Variants in STXBP5 observed in about 807,000 individuals in gnomAD.
STXBP5 encodes syntaxin binding protein 5.
In STXBP5, 50 loss-of-function variants were observed where a neutral mutation model predicts 152.4. The ratio of observed to expected loss-of-function variants is 0.33; its 90% CI spans 0.26 to 0.42. The LOEUF is 0.42. Among genes scored for constraint, STXBP5 ranks in the 10% least tolerant of loss-of-function variants. The pLI, the probability that STXBP5 is intolerant of heterozygous loss-of-function variation, is 1.00. For missense variants in STXBP5, 1,167 were observed against 1,388.6 expected (o/e 0.84, Z 2.54); for synonymous variants, 492 against 494.7 (o/e 0.99, Z 0.07).
intron 25 of STXBP5, among the ~76,000 whole-genome samples, chr6:147,372,880 A>C (rs928558983): frequency 6.6e-6 from 1 of 152,190 alleles, no homozygotes; most frequent in African/African-American, 2.4e-5. Context: ...GATGATGTAC[A>C]AGGGAAGAGT....
intron 8 of STXBP5, among the ~76,000 whole-genome samples, chr6:147,285,257 A>G (rs1381541777): frequency 1.3e-5 from 2 of 152,176 alleles, no homozygotes; most frequent in Admixed American, 6.5e-5. Context: ...CTCTGGTGGC[A>G]TAGCATTTAA....
At chr6:147,287,807 C>G (rs1383562647) in intron 8 of STXBP5, among the ~76,000 whole-genome samples, 1 of 152,106 alleles carries the variant, frequency 6.6e-6, no homozygotes, top group African/African-American at 2.4e-5. Flanking sequence ...CAATTTCCAC[C>G]CCGAAATATT....
chr6:147,302,234 TTTAGA>T (rs772493437), intron 9 of STXBP5, among the ~76,000 whole-genome samples: 5,375 of 152,162 alleles, frequency 0.035, 147 homozygotes, highest in Admixed American at 0.054. Context: ...TTCCGAACCC[TTTAGA>T]GTCAAAACTC....
intron 2 of STXBP5, among the ~76,000 whole-genome samples, chr6:147,216,474 A>G (rs557655759): frequency 6.6e-6 from 1 of 152,324 alleles, no homozygotes; most frequent in South Asian, 2.1e-4. Context: ...AGAATCAGAT[A>G]TATTACATGC....
chr6:147,373,203 A>G (rs1415649593), intron 25 of STXBP5, among the ~76,000 whole-genome samples: 2 of 151,878 alleles, frequency 1.3e-5, no homozygotes, highest in Admixed American at 1.3e-4. Flanking sequence ...ACCTGTCTCT[A>G]CAAAATACAA....
At chr6:147,226,250 C>T (rs895011109) in intron 2 of STXBP5, among the ~76,000 whole-genome samples, 4 of 151,580 alleles carry the variant, frequency 2.6e-5, no homozygotes, top group Non-Finnish European at 5.9e-5. Context: ...CTGCAGTGAG[C>T]CATGATTGTG....
intron 21 of STXBP5, among the ~76,000 whole-genome samples, chr6:147,344,472 C>T (rs1310718687): frequency 6.6e-6 from 1 of 152,204 alleles, no homozygotes; most frequent in Non-Finnish European, 1.5e-5. Context: ...ATACCACAGA[C>T]TGGGAGGCTT....
intron 16 of STXBP5, among the ~76,000 whole-genome samples, chr6:147,318,304 A>G (rs1486109428): frequency 1.3e-5 from 2 of 152,176 alleles, no homozygotes; most frequent in African/African-American, 4.8e-5. Context: ...GGCCAGCCTG[A>G]TAGGTGAGTC....
At chr6:147,290,344 G>A (rs910523044) in intron 8 of STXBP5, among the ~76,000 whole-genome samples, 1 of 152,134 alleles carries the variant, frequency 6.6e-6, no homozygotes, top group African/African-American at 2.4e-5. Flanking sequence ...TGTGAAAGAG[G>A]GTAAGAGGTG....
chr6:147,324,645 C>CG (rs1367483976), intron 16 of STXBP5, among the ~76,000 whole-genome samples: 1 of 151,798 alleles, frequency 6.6e-6, no homozygotes, highest in Non-Finnish European at 1.5e-5. Flanking sequence ...CTTGGACTGC[C>CG]GCTTCTCCTC....
chr6:147,249,860 G>T (rs188260979), intron 4 of STXBP5, among the ~76,000 whole-genome samples: 8 of 152,156 alleles, frequency 5.3e-5, no homozygotes, highest in Admixed American at 2.0e-4. Flanking sequence ...GTACCCCACA[G>T]ATCTTTTCAA....
At chr6:147,205,844 A>G (rs1214064070) in intron 1 of STXBP5, 127 bp from the exon 2 acceptor site, 4 of 573,326 alleles carry the variant, frequency 7.0e-6, no homozygotes, top group Admixed American at 3.2e-5. Context: ...TTTCAAAAGC[A>G]GTAAGTGCAT....
intron 9 of STXBP5, among the ~76,000 whole-genome samples, chr6:147,307,808 T>C (rs1782168515): frequency 6.6e-6 from 1 of 152,196 alleles, no homozygotes; most frequent in Admixed American, 6.5e-5. Flanking sequence ...AATATAAGTT[T>C]AGAAAATAAG....
chr6:147,281,223 A>AT (rs1780684895), intron 8 of STXBP5, among the ~76,000 whole-genome samples: 1 of 151,782 alleles, frequency 6.6e-6, no homozygotes, highest in African/African-American at 2.4e-5. Flanking sequence ...TGCCCGGCTA[A>AT]TTTTTTGTAT....
rs1786425072 is a variant in STXBP5 at position 147,388,076 on chromosome 6, T to C, written c.*3321T>C. ...TGTGGCAAAGATTTATTTTACACTTTAACTTTTGGGATTTTATTTGTTTCA... is the reference window on the plus strand; with the variant it reads ...TGTGGCAAAGATTTATTTTACACTTCAACTTTTGGGATTTTATTTGTTTCA... On this transcript the variant is annotated 3_prime_UTR_variant, in exon 28 of 28. Coordinates refer to ENST00000321680, the MANE Select transcript of STXBP5 (RefSeq NM_001127715.4). 6.6e-6 allele frequency: 1 copy of C among 151,886 alleles called. No individual in the cohort carries two copies. Among genetic ancestry groups the C allele is most frequent in the Admixed American group, 6.6e-5 (1 of 15,216 alleles). The allele number at this position is 151,886 out of a possible 1,614,324, so 9.4% of individuals were successfully genotyped here.
chr6:147,300,375 G>C (rs979361908), intron 9 of STXBP5, among the ~76,000 whole-genome samples: 1 of 151,856 alleles, frequency 6.6e-6, no homozygotes, highest in Non-Finnish European at 1.5e-5. Flanking sequence ...CACAAAACAC[G>C]GTGCTGAAGA....
In STXBP5 at chr6:147,327,190, A is replaced by C. The variant is rs753960350; in HGVS notation, c.1994A>C (p.Asn665Thr). The change falls in exon 18 of 28, where the codon AAC (asparagine) becomes ACC (threonine). Residue 665 changes from asparagine to threonine, a missense_variant. This residue lies in a region of STXBP5 where 833 missense variants were observed against 986.3 expected (regional missense o/e 0.84). Coordinates refer to ENST00000321680, the MANE Select transcript of STXBP5 (RefSeq NM_001127715.4). ...VDYLQKAVLLNLGTIELYGSN... is the reference protein window; with the variant it reads ...VDYLQKAVLLTLGTIELYGSN... ...TACCTCCAGAAAGCAGTGCTGCTCA[A>C]CCTGGGCACTATTGAATTATATGGC... 1 of 1,614,136 alleles carries C rather than the reference A, an allele frequency of 6.2e-7. No homozygotes were observed. The highest frequency in any genetic ancestry group is 8.5e-7 in the Non-Finnish European group (1 of 1,180,018).
At chr6:147,297,495 C>A (rs1199240344) in intron 9 of STXBP5, among the ~76,000 whole-genome samples, 1 of 152,186 alleles carries the variant, frequency 6.6e-6, no homozygotes, top group Admixed American at 6.5e-5. Flanking sequence ...TAATTACTGT[C>A]ATGAAAACAT....
At chr6:147,227,954 T>C (rs1777806444) in intron 2 of STXBP5, among the ~76,000 whole-genome samples, 1 of 152,194 alleles carries the variant, frequency 6.6e-6, no homozygotes, top group Non-Finnish European at 1.5e-5. Flanking sequence ...TGCCTCAGGC[T>C]TCTCAAGGAT....
Sources: gnomAD v4.1 joint callset for allele counts (sites outside exome capture counted in the v4.1 genomes callset) on GRCh38, gnomAD v4.1.1 for gene constraint, gnomAD v4.1.1 regional missense constraint, MANE v1.5 for transcripts, NCBI Gene and HGNC (gene_info 2026-07-23, HGNC 2026-07-21) for gene names.